LINGO2: variants seen among roughly 807,000 people sequenced by gnomAD.
The protein encoded by LINGO2 is leucine-rich repeat and immunoglobulin-like domain-containing nogo receptor-interacting protein 2.
A neutral mutation model predicts 30.6 loss-of-function variants in LINGO2; 14 were observed. That is an observed-to-expected ratio of 0.46 (90% CI 0.30 to 0.72). The LOEUF (loss-of-function observed/expected upper bound fraction) is 0.72, where lower values mean the gene tolerates loss of function less well. LINGO2 is among the 30% of genes least tolerant of loss of function. The pLI is 0.07. For missense variants in LINGO2, 729 were observed against 751.7 expected, an observed-to-expected ratio of 0.97 and a Z score of 0.35; for synonymous variants, 317 against 288.5, an observed-to-expected ratio of 1.10 and a Z score of -1.00.
the LINGO2 span, among the ~76,000 whole-genome samples, chr9:28,864,655 TA>T: frequency 0.79 from 120,108 of 151,922 alleles, 47,548 homozygotes; most frequent in East Asian, 0.89. Flanking sequence ...CTCATGAACA[TA>T]AGAGTCCTAG....
At chr9:28,813,414 C>T in the LINGO2 span, among the ~76,000 whole-genome samples, 1 of 152,164 alleles carries the variant, frequency 6.6e-6, no homozygotes, top group African/African-American at 2.4e-5. Flanking sequence ...TGGTTTCTCT[C>T]TCCATAGCTT....
chr9:28,800,047 T>C, the LINGO2 span, among the ~76,000 whole-genome samples: 2 of 152,158 alleles, frequency 1.3e-5, no homozygotes, highest in African/African-American at 2.4e-5. Flanking sequence ...TCAAAGATTC[T>C]ATGGTATTTG....
chr9:29,016,187 C>T, the LINGO2 span, among the ~76,000 whole-genome samples: 1 of 152,054 alleles, frequency 6.6e-6, no homozygotes, highest in South Asian at 2.1e-4. Flanking sequence ...CATAAAGTAC[C>T]TTCTTTTCAG....
intron 2 of LINGO2, among the ~76,000 whole-genome samples, chr9:28,431,881 C>A (rs1185606760): frequency 1.3e-5 from 2 of 148,730 alleles, no homozygotes; most frequent in African/African-American, 5.0e-5. Context: ...TCCAACAATA[C>A]TTAATAGGAC....
intron 5 of LINGO2, among the ~76,000 whole-genome samples, chr9:27,990,198 G>T (rs1821323997): frequency 6.6e-6 from 1 of 151,882 alleles, no homozygotes; most frequent in Non-Finnish European, 1.5e-5. Flanking sequence ...TACCATTTTT[G>T]ACCTACAAAA....
chr9:28,709,420 T>A, the LINGO2 span, among the ~76,000 whole-genome samples: 1,000 of 152,190 alleles, frequency 6.6e-3, 26 homozygotes, highest in Admixed American at 0.036. Flanking sequence ...TTGTTGTTTT[T>A]TGAATTTTAG....
rs60875467 is a variant in LINGO2 at position 28,233,061 on chromosome 9, T to TATACAA, written c.-87+62146_-87+62147insTTGTAT. Among the ~76,000 whole-genome samples the TATACAA allele has an allele frequency of 9.6e-3, 1,136 of 118,792 alleles. 20 individuals are homozygous for TATACAA. Among genetic ancestry groups the TATACAA allele is most frequent in the South Asian group, 0.015 (58 of 3,872 alleles). The allele number at this position is 118,792 out of a possible 152,430, so 77.9% of individuals were successfully genotyped here. ...ATATATATATATATATATATATATA[T>TATACAA]TAGATATATAATAGATATACAGTAA... On this transcript the variant is annotated intron_variant, in intron 4 of 5. Coordinates refer to ENST00000379992, the Ensembl canonical transcript of LINGO2.
At chr9:28,384,604 T>C (rs1161437669) in intron 2 of LINGO2, among the ~76,000 whole-genome samples, 1 of 151,988 alleles carries the variant, frequency 6.6e-6, no homozygotes, top group African/African-American at 2.4e-5. Flanking sequence ...AATACGTCTG[T>C]CATGTTGGCA....
chr9:29,034,902 G>A, the LINGO2 span, among the ~76,000 whole-genome samples: 11 of 152,166 alleles, frequency 7.2e-5, no homozygotes, highest in South Asian at 2.1e-4. Flanking sequence ...ACATTCATGT[G>A]AACTTTTTAT....
chr9:28,689,010 T>C, the LINGO2 span, among the ~76,000 whole-genome samples: 5 of 152,204 alleles, frequency 3.3e-5, no homozygotes, highest in African/African-American at 2.4e-5. Flanking sequence ...TGAGTGAGTA[T>C]GTGATTTATA....
the LINGO2 span, among the ~76,000 whole-genome samples, chr9:28,935,090 G>T: frequency 2.0e-5 from 3 of 151,448 alleles, no homozygotes; most frequent in Non-Finnish European, 4.4e-5. Flanking sequence ...TGTTTTTCAA[G>T]ATTAATCACA....
At chr9:28,003,386 T>TAGATAGATAGATATAGAG (rs1554653804) in intron 5 of LINGO2, among the ~76,000 whole-genome samples, 15 of 134,876 alleles carry the variant, frequency 1.1e-4, no homozygotes, top group South Asian at 2.3e-4. Context: ...TAGATAGATA[T>TAGATAGATAGATATAGAG]AGAGAGAGAG....
chr9:28,336,448 T>C (rs1165823664), intron 3 of LINGO2, among the ~76,000 whole-genome samples: 2 of 152,164 alleles, frequency 1.3e-5, no homozygotes, highest in African/African-American at 4.8e-5. Flanking sequence ...ATTTTTTCTT[T>C]TTGGATTTCT....
chr9:28,552,694 G>C (rs577986384), intron 1 of LINGO2, among the ~76,000 whole-genome samples: 1 of 145,532 alleles, frequency 6.9e-6, no homozygotes, highest in Non-Finnish European at 1.5e-5. Context: ...TTCTCCTTCC[G>C]GGATTTCTAT....
chr9:28,101,447 G>C (rs1195790059), intron 4 of LINGO2, among the ~76,000 whole-genome samples: 1 of 152,128 alleles, frequency 6.6e-6, no homozygotes, highest in East Asian at 1.9e-4. Context: ...GCTATTGCTA[G>C]GGGAGAAAAA....
chr9:28,898,547 A>G, the LINGO2 span, among the ~76,000 whole-genome samples: 1 of 152,214 alleles, frequency 6.6e-6, no homozygotes, highest in Non-Finnish European at 1.5e-5. Context: ...ATCTACTGGT[A>G]TTAAATGAAA....
In LINGO2 at chr9:27,991,787, G is replaced by T. The variant is rs1290646829; in HGVS notation, c.-36+20568C>A. On this transcript the variant is annotated intron_variant, in intron 5 of 5. Coordinates refer to ENST00000379992, the Ensembl canonical transcript of LINGO2. ...GAAATATGCATTATTTTATGTCAGA[G>T]GAAGTCCTGGTAGGTGTTTGCATTG... Among the ~76,000 whole-genome samples the T allele has an allele frequency of 2.0e-5, 3 of 152,196 alleles. No homozygotes were observed. The South Asian group carries it at 6.2e-4, about 32-fold the overall frequency.
the LINGO2 span, among the ~76,000 whole-genome samples, chr9:28,763,642 A>C: frequency 1.3e-5 from 2 of 151,968 alleles, no homozygotes; most frequent in East Asian, 3.9e-4. Context: ...AAGAAAAAAA[A>C]ATTAAACTCA....
chr9:28,481,093 AGCCC>A (rs1825946229), intron 1 of LINGO2, among the ~76,000 whole-genome samples: 1 of 66,358 alleles, frequency 1.5e-5, no homozygotes, highest in Admixed American at 1.8e-4. Flanking sequence ...ATGGGCATGG[AGCCC>A]CATTTCTAAC....
Sources: gnomAD v4.1 joint callset for allele counts (sites outside exome capture counted in the v4.1 genomes callset) on GRCh38, gnomAD v4.1.1 for gene constraint, MANE v1.5 for transcripts, NCBI Gene and HGNC (gene_info 2026-07-23, HGNC 2026-07-21) for gene names.